Variants in MFAP5 observed in about 807,000 individuals in gnomAD.
The protein encoded by MFAP5 is microfibril associated protein 5, also known as microfibrillar-associated protein 5.
A neutral mutation model predicts 30.1 loss-of-function variants in MFAP5; 19 were observed. The ratio of observed to expected loss-of-function variants is 0.63; its 90% CI spans 0.44 to 0.93. The LOEUF is 0.93. Among genes scored for constraint, MFAP5 ranks in the 40% least tolerant of loss-of-function variants. MFAP5 has a pLI of 0.00. For missense variants in MFAP5, 210 were observed against 221.3 expected, an observed-to-expected ratio of 0.95 and a Z score of 0.32; for synonymous variants, 92 against 72.9, an observed-to-expected ratio of 1.26 and a Z score of -1.33.
intron 6 of MFAP5, among the ~76,000 whole-genome samples, chr12:8,654,092 C>A (rs761176008): frequency 1.4e-5 from 2 of 147,018 alleles, no homozygotes; most frequent in South Asian, 4.2e-4. Flanking sequence ...CGCCATTGCA[C>A]TGCAGCCTGG....
chr12:8,655,386 A>T, intron 5 of MFAP5, 29 bp downstream of exon 5: 1 of 1,317,406 alleles, frequency 7.6e-7, no homozygotes, highest in Non-Finnish European at 1.0e-6. Context: ...GAACCATGCC[A>T]TTTTTTTTTT....
In MFAP5 at chr12:8,660,849, A is replaced by C. The variant is rs371092984; in HGVS notation, c.94+14T>G. On this transcript the variant is annotated intron_variant, in intron 3 of 9. Coordinates refer to ENST00000359478, the MANE Select transcript of MFAP5 (RefSeq NM_003480.4). ...AAGAACCCCAACAGAGCCGCTATCCAAGGGTTCACCTACCTCCTCGTTGAC... is the reference window on the plus strand; with the variant it reads ...AAGAACCCCAACAGAGCCGCTATCCCAGGGTTCACCTACCTCCTCGTTGAC... 6.2e-7 allele frequency: 1 copy of C among 1,609,012 alleles called. No individual in the cohort carries two copies. Among genetic ancestry groups the C allele is most frequent in the Non-Finnish European group, 8.5e-7 (1 of 1,176,156 alleles).
At position 8,662,689 on chromosome 12, in the gene MFAP5, T is replaced by TA. The variant is rs144629826; in HGVS notation, c.-66dup. On this transcript the variant is annotated 5_prime_UTR_variant, in exon 1 of 10. Transcript: ENST00000359478. ...GCTGCTGAATGTGTCTCTCTCCTCT[T>TA]ACGCTGTTCCTACTTTGGCTGGCGA... 0.043 allele frequency: 6,595 copies of TA among 152,974 alleles called. 459 individuals carry two copies. The highest frequency in any genetic ancestry group is 0.15 in the African/African-American group (6,267 of 41,494). The allele number at this position is 152,974 out of a possible 1,614,324, so 9.5% of individuals were successfully genotyped here. A position where few individuals can be genotyped will look rare whatever the true frequency, so the allele number is the denominator to read the frequency against.
intron 6 of MFAP5, among the ~76,000 whole-genome samples, chr12:8,653,124 G>A (rs532030151): frequency 4.0e-5 from 6 of 151,432 alleles, no homozygotes; most frequent in Admixed American, 6.6e-5. Context: ...CCCGGGAGGC[G>A]GAGGTTGCAG....
intron 8 of MFAP5, 31 bp downstream of exon 8, chr12:8,650,471 G>A (rs757481739): frequency 6.3e-7 from 1 of 1,593,188 alleles, no homozygotes; most frequent in Admixed American, 1.7e-5. Flanking sequence ...TACCATGGAA[G>A]ATGCTTTTTG....
chr12:8,656,926 C>T (rs1942018947), intron 3 of MFAP5, among the ~76,000 whole-genome samples: 1 of 152,144 alleles, frequency 6.6e-6, no homozygotes, highest in South Asian at 2.1e-4. Flanking sequence ...CCTAGGCCTC[C>T]CAGTGTGCTA....
intron 7 of MFAP5, 47 bp downstream of exon 7, chr12:8,651,615 A>G: frequency 6.3e-7 from 1 of 1,592,598 alleles, no homozygotes; most frequent in Non-Finnish European, 8.6e-7. Context: ...TAAGGAATCC[A>G]CAGGAAGAAA....
chr12:8,662,439 C>G, intron 1 of MFAP5, 188 bp downstream of exon 1: 1 of 255,140 alleles, frequency 3.9e-6, no homozygotes, highest in Non-Finnish European at 7.5e-6. Context: ...TTCTCATATG[C>G]GTGACTTTTT....
rs192519891 is a variant in MFAP5, at chr12:8,657,223, C to T, written c.95-1393G>A. 9.9e-4 allele frequency among the ~76,000 whole-genome samples: 150 copies of T among 152,164 alleles called. 1 individual carries two copies. Among genetic ancestry groups the T allele is most frequent in the East Asian group, 7.6e-3 (39 of 5,162 alleles). ...ATTTTGCTTTTTAAAGTAGAGACCACTGGTTTTAGGAAGTGCTATTATTTA... is the reference window on the plus strand; with the variant it reads ...ATTTTGCTTTTTAAAGTAGAGACCATTGGTTTTAGGAAGTGCTATTATTTA... On this transcript the variant is annotated intron_variant, in intron 3 of 9. Coordinates refer to ENST00000359478, the MANE Select transcript of MFAP5 (RefSeq NM_003480.4).
chr12:8,660,771 C>T (rs1340532773), intron 3 of MFAP5, 92 bp downstream of exon 3: 14 of 973,226 alleles, frequency 1.4e-5, no homozygotes, highest in African/African-American at 3.4e-5. Context: ...TTTTTGGCAG[C>T]GATAGATAAG....
intron 6 of MFAP5, among the ~76,000 whole-genome samples, chr12:8,653,083 T>C (rs1941881878): frequency 6.6e-6 from 1 of 151,568 alleles, no homozygotes; most frequent in African/African-American, 2.4e-5. Context: ...TCCCAGCTAC[T>C]TGGGAGGCTG....
Position 8,662,256 on chromosome 12 carries a change from T to G in MFAP5, c.-2-150A>C, listed in dbSNP as rs149360307. 184 of 610,940 alleles carry G rather than the reference T, an allele frequency of 3.0e-4. 1 individual carries two copies. In the African/African-American group the frequency reaches 3.1e-3, roughly 10 times the overall value. The allele number at this position is 610,940 out of a possible 1,614,324, so 37.8% of individuals were successfully genotyped here. On this transcript the variant is annotated intron_variant, in intron 1 of 9. Coordinates refer to ENST00000359478, the MANE Select transcript of MFAP5 (RefSeq NM_003480.4). ...TTATGACTCAAACCCTTTCTCTCTT[T>G]TCTTACCTTTCACCCAACATTCATT...
At chr12:8,651,951 G>T (rs1399130403) in intron 6 of MFAP5, among the ~76,000 whole-genome samples, 1 of 152,116 alleles carries the variant, frequency 6.6e-6, no homozygotes, top group Non-Finnish European at 1.5e-5. Flanking sequence ...TGTATTGTGA[G>T]TATCTCTGTA....
intron 7 of MFAP5, 21 bp downstream of exon 7, chr12:8,651,641 G>A (rs1941841686): frequency 6.2e-7 from 1 of 1,613,006 alleles, no homozygotes; most frequent in African/African-American, 1.3e-5. Flanking sequence ...GCTTAAGAAG[G>A]CATGCAAGCA....
At chr12:8,661,542 C>T in intron 2 of MFAP5, among the ~76,000 whole-genome samples, 1 of 149,600 alleles carries the variant, frequency 6.7e-6, no homozygotes, top group Admixed American at 6.7e-5. Context: ...TTCTTTTTTT[C>T]TTTTTTCCTT....
In MFAP5 at chr12:8,654,458, C is replaced by A; in HGVS notation, c.196G>T (p.Ala66Ser). The A allele has an allele frequency of 6.2e-7, 1 of 1,603,488 alleles. No homozygotes were observed. Among genetic ancestry groups the A allele is most frequent in the Non-Finnish European group, 8.5e-7 (1 of 1,175,160 alleles). The change falls in exon 6 of 10, where the codon GCA (alanine) becomes TCA (serine). Residue 66 changes from alanine (A) to serine (S), a missense_variant. By Grantham distance (99) the Ala-to-Ser change is moderately conservative. Coordinates refer to ENST00000359478, the MANE Select transcript of MFAP5 (RefSeq NM_003480.4). ...TCACCCAAGTCATCTGTGGAAGGTG[C>A]AATATCAGCCAAAACAGCCAAAACT... is the stretch of plus-strand genomic sequence containing the variant. ...ETVLAVLADIAPSTDDLASLS... is the reference protein window; with the variant it reads ...ETVLAVLADISPSTDDLASLS...
chr12:8,649,733 C>T (rs1420074158), intron 8 of MFAP5, among the ~76,000 whole-genome samples, 159 bp from the exon 9 acceptor site: 3 of 152,138 alleles, frequency 2.0e-5, no homozygotes, highest in African/African-American at 7.2e-5. Flanking sequence ...AGACTTTTGC[C>T]CCCCAACTGG....
At chr12:8,661,238 T>C (rs1942142026) in intron 2 of MFAP5, among the ~76,000 whole-genome samples, 1 of 152,168 alleles carries the variant, frequency 6.6e-6, no homozygotes, top group African/African-American at 2.4e-5. Flanking sequence ...GCAGCCCTTC[T>C]AGCCCCACGG....
rs948041315 is a variant in MFAP5 at position 8,647,322 on chromosome 12, A to G, written c.*769T>C. ...GTGGGTTCATCCCGGTACTACCCAT[A>G]AACGAATCAGTAAATGAGACTTAGT... On this transcript the variant is annotated 3_prime_UTR_variant, in exon 10 of 10. Transcript: ENST00000359478. 6.6e-6 allele frequency: 1 copy of G among 152,228 alleles called. No homozygotes were observed. The highest frequency in any genetic ancestry group is 1.5e-5 in the Non-Finnish European group (1 of 68,034). 9.4% of individuals were successfully genotyped at this position (152,228 alleles called of 1,614,324 possible).
Sources: allele counts gnomAD v4.1 joint callset (sites outside exome capture counted in the v4.1 genomes callset), GRCh38; gene constraint gnomAD v4.1.1; transcripts MANE v1.5; gene names NCBI Gene and HGNC (gene_info 2026-07-23, HGNC 2026-07-21).